SPTBN4: variants seen among roughly 807,000 people sequenced by gnomAD.
SPTBN4 encodes the protein spectrin beta chain, non-erythrocytic 4.
SPTBN4 carries 96 observed loss-of-function variants against 277.8 expected under a neutral mutation model. The observed-to-expected ratio is 0.35, with a 90% confidence interval of 0.29 to 0.41. The LOEUF is 0.41. SPTBN4 is among the 10% of genes least tolerant of loss of function. The pLI, the probability that SPTBN4 is intolerant of heterozygous loss-of-function variation, is 1.00. For missense variants in SPTBN4, 3,006 were observed against 3,595.7 expected (o/e 0.84, Z 4.19); for synonymous variants, 1,481 against 1,580.3 (o/e 0.94, Z 1.49).
rs56829015 is a variant in SPTBN4, at chr19:40,535,560, C to CA, written c.4359+1232dup. Reference sequence around the variant, plus strand: ...ATATAGTGCTTGGCATAGTGTATGGCAAAAAAAAAAAAAAAGGCTAGTAAG... The same window carrying CA: ...ATATAGTGCTTGGCATAGTGTATGGCAAAAAAAAAAAAAAAAGGCTAGTAAG... On this transcript the variant is annotated intron_variant, in intron 20 of 35. Coordinates refer to ENST00000598249, the MANE Select transcript of SPTBN4 (RefSeq NM_020971.3). 9.8e-3 allele frequency among the ~76,000 whole-genome samples: 1,137 copies of CA among 115,810 alleles called. 6 individuals are homozygous for CA. The highest frequency in any genetic ancestry group is 0.036 in the East Asian group (135 of 3,706). 76.0% of individuals were successfully genotyped at this position (115,810 alleles called of 152,430 possible). A position where few individuals can be genotyped will look rare whatever the true frequency, so the allele number is the denominator to read the frequency against.
At chr19:40,472,520 G>A in intron 1 of SPTBN4, 87 bp from the exon 2 acceptor site, 1 of 1,232,448 alleles carries the variant, frequency 8.1e-7, no homozygotes, top group South Asian at 1.6e-5. Flanking sequence ...GAGAAATTGA[G>A]GACAAGAGAG....
intron 4 of SPTBN4, among the ~76,000 whole-genome samples, chr19:40,491,705 C>G (rs2080137804): frequency 1.1e-5 from 1 of 95,168 alleles, no homozygotes. Context: ...TAGATAGAGA[C>G]TCTGTCTCAA....
In SPTBN4 at chr19:40,560,501, C is replaced by T. The variant is rs1223753207; in HGVS notation, c.5915+98C>T. On this transcript the variant is annotated intron_variant, in intron 27 of 35. Transcript: ENST00000598249. The surrounding 1 kb of genome is among the most constrained non-coding windows in gnomAD (Gnocchi z 5.2). ...AGCCCCCTTCTCAATGGAATGACAA[C>T]AGCCAATATCTGTGTGGCGCCTCTG... 1 of 1,593,976 alleles carries T rather than the reference C, an allele frequency of 6.3e-7. No individual in the cohort carries two copies. Among genetic ancestry groups the T allele is most frequent in the African/African-American group, 1.3e-5 (1 of 74,584 alleles).
chr19:40,554,162 A>G lies in SPTBN4; in HGVS notation c.4690A>G (p.Ile1564Val). Residue 1564 changes from isoleucine (I) to valine (V), a missense_variant, in exon 23 of 36, where the codon ATC becomes GTC. Ile to Val is a conservative substitution (Grantham distance 29). Coordinates refer to ENST00000598249, the MANE Select transcript of SPTBN4 (RefSeq NM_020971.3). The surrounding 1 kb of genome is among the most constrained non-coding windows in gnomAD (Gnocchi z 5.7). Reference sequence around the variant, plus strand: ...CTGCCCCCAGGGCCTGCGGCGGGAGATCCAGGCGCATGGGCCGCGCCTGGA... The same window carrying G: ...CTGCCCCCAGGGCCTGCGGCGGGAGGTCCAGGCGCATGGGCCGCGCCTGGA... ...IKKNQGLRRE[I>V]QAHGPRLEEV... 6.9e-7 allele frequency: 1 copy of G among 1,439,492 alleles called. No homozygotes were observed. The allele number at this position is 1,439,492 out of a possible 1,614,324, so 89.2% of individuals were successfully genotyped here.
Position 40,554,257 on chromosome 19 carries a change from C to T in SPTBN4, c.4785C>T (p.Gly1595=). Residue 1595 remains glycine (G), a synonymous_variant, in exon 23 of 36, where the codon GGC becomes GGT. Coordinates refer to ENST00000598249, the MANE Select transcript of SPTBN4 (RefSeq NM_020971.3). This position sits in a 1 kb window ranked among gnomAD's most constrained non-coding sequence, Gnocchi z 5.7. ...CGGAGGCAGAGGCAGTGCGCCGGGG[C>T]CTGGAGCAGCTGCAGAGCGCCTGGG... is the stretch of plus-strand genomic sequence containing the variant. ...RSPEAEAVRR[G]LEQLQSAWAG... 1.3e-6 allele frequency: 2 copies of T among 1,531,404 alleles called. No homozygotes were observed. Among genetic ancestry groups the T allele is most frequent in the Non-Finnish European group, 1.7e-6 (2 of 1,145,636 alleles). 94.9% of individuals were successfully genotyped at this position (1,531,404 alleles called of 1,614,324 possible). A position where few individuals can be genotyped will look rare whatever the true frequency, so the allele number is the denominator to read the frequency against.
At chr19:40,569,032 G>A (rs1165836) in intron 31 of SPTBN4, among the ~76,000 whole-genome samples, 2 of 152,000 alleles carry the variant, frequency 1.3e-5, no homozygotes, top group African/African-American at 4.8e-5. Flanking sequence ...AATGATGACC[G>A]AGAATTATCT....
intron 2 of SPTBN4, among the ~76,000 whole-genome samples, chr19:40,482,935 T>C (rs1219114729): frequency 6.6e-6 from 1 of 152,004 alleles, no homozygotes; most frequent in African/African-American, 2.4e-5. Context: ...CACTCCAGCC[T>C]GGGAGACAGA....
chr19:40,558,947 T>TATTATTATTATTATGATGATG (rs1026792401), intron 26 of SPTBN4, among the ~76,000 whole-genome samples: 2 of 146,140 alleles, frequency 1.4e-5, no homozygotes, highest in African/African-American at 5.1e-5. Context: ...TTATTATTAT[T>TATTATTATTATTATGATGATG]ATGAGGCAGA....
At position 40,515,464 on chromosome 19, in the gene SPTBN4, G is replaced by A. The variant is rs2080443526; in HGVS notation, c.2903+16G>A. On this transcript the variant is annotated intron_variant, in intron 15 of 35. Transcript: ENST00000598249. This position sits in a 1 kb window ranked among gnomAD's most constrained non-coding sequence, Gnocchi z 4.1. ...TCAACAGCAGGTAGGAGGGCCTGGG[G>A]CTGGGAGTCCCTCCCATCCTTCCCT... 1 of 1,543,684 alleles carries A rather than the reference G, an allele frequency of 6.5e-7. No homozygotes were observed. The highest frequency in any genetic ancestry group is 8.7e-7 in the Non-Finnish European group (1 of 1,143,730).
chr19:40,506,440 C>G, intron 13 of SPTBN4, 54 bp downstream of exon 13: 2 of 1,558,540 alleles, frequency 1.3e-6, no homozygotes, highest in Non-Finnish European at 1.7e-6. Flanking sequence ...AGGACTGGTG[C>G]TAATAGAGGC....
Position 40,560,693 on chromosome 19 carries a change from T to A in SPTBN4, c.5915+290T>A. 1 of 1,416,866 alleles carries A rather than the reference T, an allele frequency of 7.1e-7. No individual in the cohort carries two copies. Among genetic ancestry groups the A allele is most frequent in the South Asian group, 1.6e-5 (1 of 64,480 alleles). 87.8% of individuals were successfully genotyped at this position (1,416,866 alleles called of 1,614,324 possible). A position where few individuals can be genotyped will look rare whatever the true frequency, so the allele number is the denominator to read the frequency against. On this transcript the variant is annotated intron_variant, in intron 27 of 35. Transcript: ENST00000598249. The surrounding 1 kb of genome is among the most constrained non-coding windows in gnomAD (Gnocchi z 5.2). ...AGCATGAAACAGGCTAAAGACAGGA[T>A]GGGCAAGGGAGGTGTGGGACTGTAT...
In SPTBN4 at chr19:40,575,555, G is replaced by C. The variant is rs1485590908; in HGVS notation, c.7681G>C (p.Gly2561Arg). 1.2e-6 allele frequency: 2 copies of C among 1,610,436 alleles called. No homozygotes were observed. Among genetic ancestry groups the C allele is most frequent in the Non-Finnish European group, 1.7e-6 (2 of 1,178,836 alleles). The change falls in exon 36 of 36, where the codon GGG becomes CGG. Residue 2561 changes from glycine (G) to arginine (R), a missense_variant. Gly to Arg is a moderately radical substitution (Grantham distance 125, BLOSUM62 -2). Around this residue, in one of 5 missense-constraint regions of SPTBN4, gnomAD observed 630 missense variants for 677.6 expected, o/e 0.93. Transcript: ENST00000598249. The stretch of plus-strand genomic sequence containing the variant: ...GGAAGGCGGAGATCGCAGGGCCAGC[G>C]GGCGCAGGAAGTGACTTCCCACCCC... ...KREGGDRRAS[G>R]RRK is the part of the protein sequence containing the mutation.
At chr19:40,524,302 C>T (rs187219360) in intron 17 of SPTBN4, among the ~76,000 whole-genome samples, 1 of 151,078 alleles carries the variant, frequency 6.6e-6, no homozygotes, top group African/African-American at 2.4e-5. Context: ...CTGAAGAGTT[C>T]CAGACCAGCC....
intron 6 of SPTBN4, among the ~76,000 whole-genome samples, chr19:40,495,720 CG>C (rs1420642088): frequency 6.6e-6 from 1 of 152,078 alleles, no homozygotes; most frequent in Non-Finnish European, 1.5e-5. Flanking sequence ...TTAGAGTCCC[CG>C]TCCCTGTACA....
chr19:40,541,993 C>T (rs1383664633), intron 20 of SPTBN4, among the ~76,000 whole-genome samples: 1 of 152,220 alleles, frequency 6.6e-6, no homozygotes. Context: ...ACAGTCTCAG[C>T]TCGCTGCAAC....
rs770767568 is a variant in SPTBN4, at chr19:40,560,123, G to A, written c.5671-36G>A. The A allele has an allele frequency of 4.7e-5, 73 of 1,554,992 alleles. No individual in the cohort carries two copies. Among genetic ancestry groups the A allele is most frequent in the Middle Eastern group, 1.9e-4 (1 of 5,250 alleles). On this transcript the variant is annotated intron_variant, in intron 26 of 35. Coordinates refer to ENST00000598249, the MANE Select transcript of SPTBN4 (RefSeq NM_020971.3). The surrounding 1 kb of genome is among the most constrained non-coding windows in gnomAD (Gnocchi z 5.2). ...GGAGGGAGGGCACAGCCTGGGCCCC[G>A]TGGAGGGCTGGCGCCCGACCTGGCA... is the stretch of plus-strand genomic sequence containing the variant.
chr19:40,511,083 C>A (rs1008390821), intron 13 of SPTBN4, among the ~76,000 whole-genome samples: 1 of 151,990 alleles, frequency 6.6e-6, no homozygotes, highest in Non-Finnish European at 1.5e-5. Context: ...CATACATGGG[C>A]ACACAGGCTA....
chr19:40,495,522 C>T (rs2080186539), intron 6 of SPTBN4, among the ~76,000 whole-genome samples: 1 of 151,922 alleles, frequency 6.6e-6, no homozygotes, highest in Admixed American at 6.6e-5. Context: ...GTGGTGCGCC[C>T]CTGTAGTCCC....
chr19:40,554,498 G>A lies in SPTBN4; in HGVS notation c.4954-18G>A, dbSNP rs1483581271. ...GGGCCGCCGCTGCCGCCTCATCGTG[G>A]GCGCTTTGTGCCCCCAGGACGAACA... On this transcript the variant is annotated intron_variant, in intron 23 of 35. Transcript: ENST00000598249. The surrounding 1 kb of genome is among the most constrained non-coding windows in gnomAD (Gnocchi z 5.7). The A allele has an allele frequency of 6.8e-7, 1 of 1,480,882 alleles. No individual in the cohort carries two copies. The highest frequency in any genetic ancestry group is 2.4e-5 in the Admixed American group (1 of 41,126). 91.7% of individuals were successfully genotyped at this position (1,480,882 alleles called of 1,614,324 possible).
Sources: gnomAD v4.1 joint callset for allele counts (sites outside exome capture counted in the v4.1 genomes callset) on GRCh38, gnomAD v4.1.1 for gene constraint, gnomAD v4.1.1 regional missense constraint, Gnocchi (gnomAD v3.1) non-coding constraint, MANE v1.5 for transcripts, NCBI Gene and HGNC (gene_info 2026-07-23, HGNC 2026-07-21) for gene names.